Variants in SCN1A observed in about 807,000 individuals in gnomAD.
The protein encoded by SCN1A is sodium channel protein type 1 subunit alpha.
In SCN1A, 13 loss-of-function variants were observed where a neutral mutation model predicts 193.7. The observed-to-expected ratio is 0.07, with a 90% CI of 0.04 to 0.11. The LOEUF is 0.11. SCN1A is among the 10% of genes least tolerant of loss of function. SCN1A has a pLI of 1.00. For synonymous variants in SCN1A, 781 were observed against 843.6 expected (o/e 0.93, Z 1.29); for missense variants, 1,432 against 2,451.1 (o/e 0.58, Z 8.78).
chr2:166,083,317 T>C (rs926861707), intron 2 of SCN1A, among the ~76,000 whole-genome samples: 1 of 152,074 alleles, frequency 6.6e-6, no homozygotes, highest in African/African-American at 2.4e-5. Context: ...AATAACTTCA[T>C]TATCTACCCT....
chr2:166,036,050 C>T lies in SCN1A; in HGVS notation c.3427G>A (p.Glu1143Lys). The change falls in exon 19 of 29, where the codon GAG becomes AAG. Residue 1143 changes from glutamate (E) to lysine (K), a missense_variant and splice_region_variant. This residue lies in a region of SCN1A where 198 missense variants were observed against 225.8 expected (regional missense o/e 0.88). Transcript: ENST00000674923. ...SSESDLEESK[E>K]KLNESSSSSE... ...TTCCCACACCTATAGAATCTTACCT[C>T]TTTGCTTTCTTCCAGATCCGATTCA... The T allele has an allele frequency of 2.5e-6, 4 of 1,613,536 alleles. No homozygotes were observed. Among genetic ancestry groups the T allele is most frequent in the Non-Finnish European group, 3.4e-6 (4 of 1,179,826 alleles).
intron 4 of SCN1A, among the ~76,000 whole-genome samples, chr2:166,061,971 A>G (rs961139330): frequency 6.6e-5 from 10 of 152,208 alleles, no homozygotes; most frequent in Non-Finnish European, 1.5e-5. Context: ...ATTTGGTAAC[A>G]AGATTTATAT....
chr2:166,046,716 T>G (rs1697863467), intron 12 of SCN1A, 54 bp downstream of exon 12: 1 of 1,563,348 alleles, frequency 6.4e-7, no homozygotes, highest in Admixed American at 1.7e-5. Context: ...TCTTCAATAT[T>G]ACGTAACAAT....
chr2:166,074,564 G>A (rs557341459), intron 3 of SCN1A, among the ~76,000 whole-genome samples: 4 of 152,224 alleles, frequency 2.6e-5, no homozygotes, highest in South Asian at 2.1e-4. Context: ...AGGCAAAACC[G>A]TCAACCCCAT....
At chr2:166,145,688 A>C (rs1204332964) in intron 1 of SCN1A, among the ~76,000 whole-genome samples, 7 of 152,188 alleles carry the variant, frequency 4.6e-5, no homozygotes, top group Non-Finnish European at 2.9e-5. Flanking sequence ...TCTAGCTTGT[A>C]ACATTTGTAA....
chr2:166,026,789 T>C (rs1694840203), intron 19 of SCN1A, among the ~76,000 whole-genome samples: 1 of 149,912 alleles, frequency 6.7e-6, no homozygotes, highest in African/African-American at 2.5e-5. Flanking sequence ...GTTCATGTCA[T>C]TCTCCTGTCT....
At position 165,987,001 on chromosome 2, in the gene SCN1A, A is replaced by G. The variant is rs1020763230; in HGVS notation, c.*4244T>C. 6.6e-6 allele frequency: 1 copy of G among 152,090 alleles called. No individual in the cohort carries two copies. Among genetic ancestry groups the G allele is most frequent in the Non-Finnish European group, 1.5e-5 (1 of 67,988 alleles). 9.4% of individuals were successfully genotyped at this position (152,090 alleles called of 1,614,324 possible). A position where few individuals can be genotyped will look rare whatever the true frequency, so the allele number is the denominator to read the frequency against. The stretch of plus-strand genomic sequence containing the variant: ...ATATTCAAATTTATTCAACTTTCCC[A>G]ATAATATTATTTATCTGTTATTTTT... On this transcript the variant is annotated 3_prime_UTR_variant, in exon 29 of 29. Transcript: ENST00000674923.
rs571616503 is a variant in SCN1A, at chr2:166,102,392, A to C, written c.-142+24532T>G. On this transcript the variant is annotated intron_variant, in intron 2 of 28. Transcript: ENST00000674923. ...GCGCCTGTAGTCCCAGCTACTCAGG[A>C]GGCTGAGGCAGGAGAATGGCGTGAA... is the stretch of plus-strand genomic sequence containing the variant. 2.6e-4 allele frequency among the ~76,000 whole-genome samples: 40 copies of C among 151,638 alleles called. No homozygotes were observed. The South Asian group carries it at 6.3e-3, about 24-fold the overall frequency.
At position 166,061,060 on chromosome 2, in the gene SCN1A, G is replaced by A. The variant is rs1304842951; in HGVS notation, c.265-2372C>T. On this transcript the variant is annotated intron_variant, in intron 4 of 28. Coordinates refer to ENST00000674923, the MANE Select transcript of SCN1A (RefSeq NM_001165963.4). ...AATCCATAGATGGCCTAAATCATGG[G>A]CTGGAGTGTGAGGATAATCAAGATG... is the stretch of plus-strand genomic sequence containing the variant. Among the ~76,000 whole-genome samples, 3 of 152,080 alleles carry A rather than the reference G, an allele frequency of 2.0e-5. No individual in the cohort carries two copies. In the South Asian group the frequency reaches 6.2e-4, roughly 32 times the overall value.
chr2:166,097,176 C>A (rs1247518809), intron 2 of SCN1A, among the ~76,000 whole-genome samples: 1 of 152,026 alleles, frequency 6.6e-6, no homozygotes, highest in Non-Finnish European at 1.5e-5. Context: ...TGCATGCCAC[C>A]ACACCTGGCT....
rs925339958 is a variant in SCN1A, at chr2:166,007,332, A to C, written c.4002+2387T>G. The C allele has an allele frequency of 1.3e-5, 2 of 151,256 alleles. No homozygotes were observed. The highest frequency in any genetic ancestry group is 3.0e-5 in the Non-Finnish European group (2 of 67,476). 9.4% of individuals were successfully genotyped at this position (151,256 alleles called of 1,614,324 possible). A position where few individuals can be genotyped will look rare whatever the true frequency, so the allele number is the denominator to read the frequency against. The stretch of plus-strand genomic sequence containing the variant: ...AAATATATAGTTTGTTATTAGTTAG[A>C]AATCTGATATGACAGAACATTTGGT... On this transcript the variant is annotated intron_variant, in intron 23 of 28. Transcript: ENST00000674923.
chr2:166,019,032 A>G (rs1243936505), intron 19 of SCN1A, among the ~76,000 whole-genome samples: 1 of 152,192 alleles, frequency 6.6e-6, no homozygotes, highest in Non-Finnish European at 1.5e-5. Context: ...TACTTTATAA[A>G]CAAACTGGGA....
chr2:166,123,340 T>C (rs1278552657), intron 2 of SCN1A, among the ~76,000 whole-genome samples: 4 of 151,666 alleles, frequency 2.6e-5, no homozygotes, highest in African/African-American at 7.3e-5. Context: ...TCATGCTTAG[T>C]GTCTCTTTCT....
At chr2:166,027,072 T>C (rs1328688217) in intron 19 of SCN1A, 1 of 152,216 alleles carries the variant, frequency 6.6e-6, no homozygotes, top group Non-Finnish European at 1.5e-5. Flanking sequence ...ATAGCTAAAT[T>C]ATACACTTAT....
intron 2 of SCN1A, among the ~76,000 whole-genome samples, chr2:166,080,382 C>A (rs970337705): frequency 5.3e-5 from 8 of 151,654 alleles, no homozygotes; most frequent in African/African-American, 1.7e-4. Context: ...AAGAGAGAGG[C>A]CTTTTCAAGA....
chr2:166,049,458 CAT>C (rs1491020755), intron 9 of SCN1A, among the ~76,000 whole-genome samples: 2 of 151,490 alleles, frequency 1.3e-5, no homozygotes, highest in Non-Finnish European at 3.0e-5. Context: ...TTAAGTATAA[CAT>C]ATTCTCACAT....
chr2:166,020,640 T>G (rs1240909227), intron 19 of SCN1A, among the ~76,000 whole-genome samples: 1 of 152,188 alleles, frequency 6.6e-6, no homozygotes, highest in African/African-American at 2.4e-5. Context: ...TTATAAAAAC[T>G]AAGTCAAAAT....
At chr2:166,035,843 A>G (rs1025684859) in intron 19 of SCN1A, among the ~76,000 whole-genome samples, 1 of 152,164 alleles carries the variant, frequency 6.6e-6, no homozygotes, top group African/African-American at 2.4e-5. Flanking sequence ...AGTATATTGT[A>G]CCACAAATTG....
intron 1 of SCN1A, among the ~76,000 whole-genome samples, chr2:166,143,321 C>T (rs13424755): frequency 4.6e-5 from 7 of 151,662 alleles, no homozygotes; most frequent in Non-Finnish European, 1.0e-4. Flanking sequence ...CGCCTGCCAC[C>T]ACGCCCGGCT....
Sources: gnomAD v4.1 joint callset for allele counts (sites outside exome capture counted in the v4.1 genomes callset) on GRCh38, gnomAD v4.1.1 for gene constraint, gnomAD v4.1.1 regional missense constraint, MANE v1.5 for transcripts, NCBI Gene and HGNC (gene_info 2026-07-23, HGNC 2026-07-21) for gene names.